PRKN: variants seen among roughly 807,000 people sequenced by gnomAD.
PRKN encodes the protein parkin RBR E3 ubiquitin protein ligase.
PRKN carries 56 observed loss-of-function variants against 59.5 expected under a neutral mutation model. That is an observed-to-expected ratio of 0.94 (90% CI 0.76 to 1.18). The LOEUF is 1.18. Ranked by LOEUF, PRKN falls within the 50% of genes most tolerant of loss-of-function variation. The pLI, the probability that PRKN is intolerant of heterozygous loss-of-function variation, is 0.00. For synonymous variants in PRKN, 250 were observed against 222.1 expected (o/e 1.13, Z -1.12); for missense variants, 657 against 596.4 (o/e 1.10, Z -1.06).
At position 161,396,343 on chromosome 6, in the gene PRKN, G is replaced by A. The variant is rs1786759075; in HGVS notation, c.1084-9466C>T. ...TTCATCTAAACAAACTTCTTGGCGG[G>A]CAAATTTCAATATCTAACTGAGAAT... On this transcript the variant is annotated intron_variant, in intron 9 of 11. Coordinates refer to ENST00000366898, the MANE Select transcript of PRKN (RefSeq NM_004562.3). This position sits in a 1 kb window ranked among gnomAD's most constrained non-coding sequence, Gnocchi z 5.4. Among the ~76,000 whole-genome samples, 1 of 152,086 alleles carries A rather than the reference G, an allele frequency of 6.6e-6. No individual in the cohort carries two copies.
chr6:161,803,282 T>G (rs557240625), intron 6 of PRKN, among the ~76,000 whole-genome samples: 1 of 152,344 alleles, frequency 6.6e-6, no homozygotes, highest in Non-Finnish European at 1.5e-5. Flanking sequence ...TTTATTAAAC[T>G]TGCATGCTTT....
intron 9 of PRKN, among the ~76,000 whole-genome samples, chr6:161,430,747 G>A (rs912081851): frequency 3.3e-5 from 5 of 149,918 alleles, no homozygotes; most frequent in East Asian, 2.0e-4. Flanking sequence ...CCTGGGAGGC[G>A]GAGCTTGCAG....
chr6:161,587,475 AT>A (rs1242920730), intron 7 of PRKN, among the ~76,000 whole-genome samples: 2 of 152,042 alleles, frequency 1.3e-5, no homozygotes, highest in Non-Finnish European at 2.9e-5. Flanking sequence ...AAAAATCAAG[AT>A]TTTTTTCTTT....
chr6:162,552,915 CAG>C (rs938551003), intron 1 of PRKN, among the ~76,000 whole-genome samples: 1 of 152,136 alleles, frequency 6.6e-6, no homozygotes, highest in Non-Finnish European at 1.5e-5. Context: ...GCCACGAAAG[CAG>C]AGTTTCAACC....
chr6:161,898,771 C>T (rs1178063730), intron 6 of PRKN, among the ~76,000 whole-genome samples: 1 of 152,118 alleles, frequency 6.6e-6, no homozygotes. Flanking sequence ...TTTGGTGATT[C>T]CCCCTCCCTA....
chr6:161,589,019 G>A (rs1315735597), intron 7 of PRKN, among the ~76,000 whole-genome samples: 1 of 152,218 alleles, frequency 6.6e-6, no homozygotes, highest in Non-Finnish European at 1.5e-5. Flanking sequence ...AAGGCCATTT[G>A]TAGCATGTAG....
Position 162,595,268 on chromosome 6 carries a change from A to AT in PRKN, c.7+132393dup, listed in dbSNP as rs1284558085. Among the ~76,000 whole-genome samples, 350 of 150,296 alleles carry AT rather than the reference A, an allele frequency of 2.3e-3. 1 individual carries two copies. The highest frequency in any genetic ancestry group is 7.2e-3 in the African/African-American group (295 of 40,910). On this transcript the variant is annotated intron_variant, in intron 1 of 11. Transcript: ENST00000366898. ...CTTTTTTTCTTTTTCTTTTTTCTTTATTTTTTTTTGAGACTGAGTTTCTAT... is the reference window on the plus strand; with the variant it reads ...CTTTTTTTCTTTTTCTTTTTTCTTTATTTTTTTTTTGAGACTGAGTTTCTAT...
intron 2 of PRKN, among the ~76,000 whole-genome samples, chr6:162,338,831 A>C (rs1487524533): frequency 7.3e-6 from 1 of 137,454 alleles, no homozygotes; most frequent in Non-Finnish European, 1.6e-5. Context: ...GGCCACCATC[A>C]CATCTAGGAA....
At chr6:161,725,972 T>C (rs1249926416) in intron 7 of PRKN, among the ~76,000 whole-genome samples, 3 of 152,206 alleles carry the variant, frequency 2.0e-5, no homozygotes, top group Non-Finnish European at 4.4e-5. Context: ...ATGTCCCACA[T>C]TTATTTCAGC....
chr6:161,552,393 C>CCGCAT lies in PRKN; in HGVS notation c.934-3391_934-3390insATGCG, dbSNP rs1297197962. 2.8e-4 allele frequency among the ~76,000 whole-genome samples: 37 copies of CCGCAT among 131,938 alleles called. No homozygotes were observed. The highest frequency in any genetic ancestry group is 5.4e-4 in the Admixed American group (7 of 13,064). 86.6% of individuals were successfully genotyped at this position (131,938 alleles called of 152,430 possible). A position where few individuals can be genotyped will look rare whatever the true frequency, so the allele number is the denominator to read the frequency against. On this transcript the variant is annotated intron_variant, in intron 8 of 11. Transcript: ENST00000366898. This position sits in a 1 kb window ranked among gnomAD's most constrained non-coding sequence, Gnocchi z 4.9. ...CCTCTCCCTCAGCTCTGTTCACCTCCACCTATGACTGTGAATGATCTCACG... is the reference window on the plus strand; with the variant it reads ...CCTCTCCCTCAGCTCTGTTCACCTCCCGCATACCTATGACTGTGAATGATCTCACG...
intron 6 of PRKN, among the ~76,000 whole-genome samples, chr6:161,855,376 C>T (rs2128223336): frequency 6.6e-6 from 1 of 152,246 alleles, no homozygotes; most frequent in Non-Finnish European, 1.5e-5. Context: ...CTCAAATCTC[C>T]ATCTCAGCTT....
intron 9 of PRKN, among the ~76,000 whole-genome samples, chr6:161,490,579 TG>T (rs1383916675): frequency 6.6e-6 from 1 of 151,774 alleles, no homozygotes; most frequent in Non-Finnish European, 1.5e-5. Context: ...TTAGTAGAGA[TG>T]GGGTTTCTTC....
intron 1 of PRKN, among the ~76,000 whole-genome samples, chr6:162,595,235 T>A (rs1583873839): frequency 6.6e-6 from 1 of 152,214 alleles, no homozygotes; most frequent in East Asian, 1.9e-4. Context: ...AAATTGTTCC[T>A]GAGTTTTCTT....
chr6:161,806,749 T>G (rs1373279072), intron 6 of PRKN, among the ~76,000 whole-genome samples: 1 of 152,202 alleles, frequency 6.6e-6, no homozygotes, highest in Non-Finnish European at 1.5e-5. Flanking sequence ...CATCTGGTAT[T>G]TGAATGTGCA....
At chr6:162,649,258 T>A (rs1270481272) in intron 1 of PRKN, among the ~76,000 whole-genome samples, 4 of 152,054 alleles carry the variant, frequency 2.6e-5, no homozygotes, top group Non-Finnish European at 5.9e-5. Context: ...CAGACAAAAA[T>A]CTCTATTTTC....
intron 4 of PRKN, among the ~76,000 whole-genome samples, chr6:162,116,500 G>A (rs1340709443): frequency 3.3e-5 from 5 of 152,144 alleles, no homozygotes; most frequent in East Asian, 1.9e-4. Context: ...TTTTTGTCAC[G>A]CCCTTTTCAA....
At chr6:161,647,936 G>A (rs751078147) in intron 7 of PRKN, among the ~76,000 whole-genome samples, 2 of 152,186 alleles carry the variant, frequency 1.3e-5, no homozygotes, top group Admixed American at 6.5e-5. Flanking sequence ...AATTTAGTAC[G>A]GTATGAGATT....
chr6:162,335,685 A>T (rs555954975), intron 2 of PRKN, among the ~76,000 whole-genome samples: 9 of 152,254 alleles, frequency 5.9e-5, no homozygotes, highest in African/African-American at 1.7e-4. Context: ...TAATTACATC[A>T]AACTGCTCTT....
At chr6:162,574,178 G>T (rs1780462599) in intron 1 of PRKN, among the ~76,000 whole-genome samples, 1 of 152,044 alleles carries the variant, frequency 6.6e-6, no homozygotes. Context: ...CTCCAGGCTT[G>T]GTCTGTCTGT....
Sources: allele counts gnomAD v4.1 joint callset (sites outside exome capture counted in the v4.1 genomes callset), GRCh38; gene constraint gnomAD v4.1.1; non-coding constraint Gnocchi (gnomAD v3.1); transcripts MANE v1.5; gene names NCBI Gene and HGNC (gene_info 2026-07-23, HGNC 2026-07-21).